Variants in ITSN2 observed in about 807,000 individuals in gnomAD.
ITSN2 encodes intersectin 2, also known as intersectin-2.
In ITSN2, 156 loss-of-function variants were observed where a neutral mutation model predicts 243.7. The ratio of observed to expected loss-of-function variants is 0.64; its 90% CI spans 0.56 to 0.73. The LOEUF (loss-of-function observed/expected upper bound fraction) is 0.73. Ranked by LOEUF, ITSN2 falls within the 30% of genes least tolerant of loss-of-function variation. ITSN2 has a pLI of 0.00. For missense variants in ITSN2, 1,801 were observed against 1,996.1 expected, an observed-to-expected ratio of 0.90 and a Z score of 1.86; for synonymous variants, 703 against 699.9, an observed-to-expected ratio of 1.00 and a Z score of -0.07.
At chr2:24,264,697 TACACAC>T (rs55826835) in intron 20 of ITSN2, among the ~76,000 whole-genome samples, 2 of 49,962 alleles carry the variant, frequency 4.0e-5, no homozygotes, top group Admixed American at 2.1e-4. Context: ...CTGTTGTTTA[TACACAC>T]ACACACACAC....
rs1668741260 is a variant in ITSN2, at chr2:24,205,197, A to G, written c.4762+17T>C. The G allele has an allele frequency of 1.9e-6, 3 of 1,607,814 alleles. No individual in the cohort carries two copies. The highest frequency in any genetic ancestry group is 1.3e-5 in the African/African-American group (1 of 74,898). On this transcript the variant is annotated intron_variant, in intron 38 of 39. Coordinates refer to ENST00000355123, the MANE Select transcript of ITSN2 (RefSeq NM_006277.3). ...CAGGGCAGTTATGTCTGCTGAATGAATCAAGGCAGTATTTACCATTTGGTT... is the reference window on the plus strand; with the variant it reads ...CAGGGCAGTTATGTCTGCTGAATGAGTCAAGGCAGTATTTACCATTTGGTT...
At chr2:24,298,906 T>A (rs1284259854) in intron 12 of ITSN2, 92 bp from the exon 13 acceptor site, 8 of 1,217,366 alleles carry the variant, frequency 6.6e-6, no homozygotes, top group Non-Finnish European at 9.1e-6. Context: ...TCAGGCAGAG[T>A]TTAGCACTTA....
chr2:24,280,782 C>T (rs1311410723), intron 17 of ITSN2, among the ~76,000 whole-genome samples: 1 of 152,168 alleles, frequency 6.6e-6, no homozygotes, highest in Non-Finnish European at 1.5e-5. Flanking sequence ...CCTGGTCATT[C>T]ACTCACCTCA....
At chr2:24,323,199 C>CTCT (rs60500713) in intron 2 of ITSN2, among the ~76,000 whole-genome samples, 152,111 of 152,258 alleles carry the variant, frequency 1, 75,982 homozygotes, top group Middle Eastern at 1. Flanking sequence ...CAACAATAGA[C>CTCT]TGAGTATTAA....
chr2:24,337,319 T>TATATATATATATAC lies in ITSN2; in HGVS notation c.-33-9205_-33-9204insGTATATATATATAT, dbSNP rs1686513015. Among the ~76,000 whole-genome samples, 8 of 66,974 alleles carry TATATATATATATAC rather than the reference T, an allele frequency of 1.2e-4. 2 individuals carry two copies. Among genetic ancestry groups the TATATATATATATAC allele is most frequent in the Non-Finnish European group, 2.2e-4 (8 of 36,714 alleles). 43.9% of individuals were successfully genotyped at this position (66,974 alleles called of 152,430 possible). A position where few individuals can be genotyped will look rare whatever the true frequency, so the allele number is the denominator to read the frequency against. ...TGTGTGTGTGTGTATACACAAAATA[T>TATATATATATATAC]ATATATATATATATATATATATATA... On this transcript the variant is annotated intron_variant, in intron 1 of 39. Transcript: ENST00000355123.
intron 31 of ITSN2, 135 bp downstream of exon 31, chr2:24,217,772 A>G (rs1670106265): frequency 3.7e-6 from 2 of 543,880 alleles, no homozygotes; most frequent in African/African-American, 3.8e-5. Flanking sequence ...TAAAATGATA[A>G]TAAAATAACA....
intron 17 of ITSN2, among the ~76,000 whole-genome samples, chr2:24,284,095 G>A (rs1187140232): frequency 1.3e-5 from 2 of 152,178 alleles, no homozygotes; most frequent in African/African-American, 4.8e-5. Context: ...AGTAAAATGT[G>A]TAGTCAAAAT....
chr2:24,240,787 T>G (rs982587624), intron 29 of ITSN2: 1 of 152,320 alleles, frequency 6.6e-6, no homozygotes, highest in Non-Finnish European at 1.5e-5. Context: ...TAGATTGCAC[T>G]GCAGTTTGTA....
rs767150683 is a variant in ITSN2, at chr2:24,248,889, G to A, written c.3121-7C>T. ...TGCTAGCACTCCCAAAACTCTACAA[G>A]GAAAAGATACCGTGTTGTTTTATTA... On this transcript the variant is annotated splice_region_variant and splice_polypyrimidine_tract_variant and intron_variant, in intron 25 of 39. Coordinates refer to ENST00000355123, the MANE Select transcript of ITSN2 (RefSeq NM_006277.3). The A allele has an allele frequency of 6.8e-6, 11 of 1,612,606 alleles. No homozygotes were observed. In the South Asian group the frequency reaches 9.9e-5, roughly 14 times the overall value.
chr2:24,217,318 G>T (rs938827965), intron 31 of ITSN2, among the ~76,000 whole-genome samples: 5 of 152,112 alleles, frequency 3.3e-5, no homozygotes, highest in Non-Finnish European at 7.4e-5. Context: ...TAGCTTCTTG[G>T]CAAAGTTTCT....
At chr2:24,283,691 A>C (rs1574142895) in intron 17 of ITSN2, among the ~76,000 whole-genome samples, 1 of 152,232 alleles carries the variant, frequency 6.6e-6, no homozygotes, top group Non-Finnish European at 1.5e-5. Flanking sequence ...AGTATCAATA[A>C]GCAGTGTAAG....
At chr2:24,295,192 A>G (rs1312584756) in intron 14 of ITSN2, among the ~76,000 whole-genome samples, 4 of 152,222 alleles carry the variant, frequency 2.6e-5, no homozygotes, top group African/African-American at 9.6e-5. Context: ...GCAGAGTTTT[A>G]GTAGGTCTAT....
Position 24,248,611 on chromosome 2 carries a change from CTATT to C in ITSN2, c.3288+14_3288+17del, listed in dbSNP as rs772118625. ...ACTTTTATAATAAAATTTATAGATGCTATTTAAAGAATATTACCTGTAACTCTCC... is the reference window on the plus strand; with the variant it reads ...ACTTTTATAATAAAATTTATAGATGCTAAAGAATATTACCTGTAACTCTCC... On this transcript the variant is annotated intron_variant, in intron 27 of 39. Coordinates refer to ENST00000355123, the MANE Select transcript of ITSN2 (RefSeq NM_006277.3). 2 of 1,565,638 alleles carry C rather than the reference CTATT, an allele frequency of 1.3e-6. No individual in the cohort carries two copies. The highest frequency in any genetic ancestry group is 1.2e-5 in the South Asian group (1 of 83,420).
intron 20 of ITSN2, among the ~76,000 whole-genome samples, chr2:24,270,253 G>A (rs1229995116): frequency 1.3e-5 from 2 of 152,286 alleles, no homozygotes; most frequent in African/African-American, 4.8e-5. Context: ...TCTTATTCAT[G>A]TATTTTATAT....
intron 29 of ITSN2, among the ~76,000 whole-genome samples, chr2:24,237,057 T>C (rs1672245034): frequency 6.6e-6 from 1 of 152,028 alleles, no homozygotes; most frequent in African/African-American, 2.4e-5. Context: ...ATGGTGGCAA[T>C]ATCAGCACAC....
intron 1 of ITSN2, among the ~76,000 whole-genome samples, chr2:24,352,349 T>C (rs1688097645): frequency 6.6e-6 from 1 of 152,228 alleles, no homozygotes; most frequent in African/African-American, 2.4e-5. Flanking sequence ...AATCAACTTT[T>C]AGTTGTAATC....
At chr2:24,239,436 T>C (rs1036995308) in intron 29 of ITSN2, 3 of 152,044 alleles carry the variant, frequency 2.0e-5, no homozygotes, top group African/African-American at 7.2e-5. Flanking sequence ...TTAGAGAAAC[T>C]ATATTATGGA....
At chr2:24,349,702 T>C (rs910439585) in intron 1 of ITSN2, among the ~76,000 whole-genome samples, 1 of 152,174 alleles carries the variant, frequency 6.6e-6, no homozygotes, top group African/African-American at 2.4e-5. Context: ...TCCCAAACTA[T>C]TCTAACCATC....
At chr2:24,261,815 T>C (rs41281491) in intron 20 of ITSN2, 73 bp from the exon 21 acceptor site, 2 of 1,099,896 alleles carry the variant, frequency 1.8e-6, no homozygotes, top group Non-Finnish European at 2.6e-6. Context: ...ATGAAAACTA[T>C]TGTATAGTAT....
Sources: allele counts gnomAD v4.1 joint callset (sites outside exome capture counted in the v4.1 genomes callset), GRCh38; gene constraint gnomAD v4.1.1; transcripts MANE v1.5; gene names NCBI Gene and HGNC (gene_info 2026-07-23, HGNC 2026-07-21).